NALCN: variants seen among roughly 807,000 people sequenced by gnomAD.
NALCN encodes sodium leak channel, non-selective.
A neutral mutation model predicts 225.3 loss-of-function variants in NALCN; 111 were observed. The ratio of observed to expected loss-of-function variants is 0.49; its 90% CI spans 0.42 to 0.58. The LOEUF (loss-of-function observed/expected upper bound fraction) is 0.58. Ranked by LOEUF, NALCN falls within the 20% of genes least tolerant of loss-of-function variation. The probability of loss-of-function intolerance (pLI) is 0.00; values close to 1 mark genes in which losing one functional copy is unlikely to be tolerated. For synonymous variants in NALCN, 764 were observed against 769.0 expected, an observed-to-expected ratio of 0.99 and a Z score of 0.11; for missense variants, 1,378 against 2,202.4, an observed-to-expected ratio of 0.63 and a Z score of 7.49.
At chr13:101,308,102 A>G (rs1465784902) in intron 7 of NALCN, among the ~76,000 whole-genome samples, 1 of 152,208 alleles carries the variant, frequency 6.6e-6, no homozygotes, top group African/African-American at 2.4e-5. Flanking sequence ...ATTTGTTTTG[A>G]CTTCAATAAA....
At chr13:101,098,043 G>A (rs913451398) in intron 27 of NALCN, among the ~76,000 whole-genome samples, 3 of 152,106 alleles carry the variant, frequency 2.0e-5, no homozygotes, top group African/African-American at 7.2e-5. Flanking sequence ...TGATTTCGAA[G>A]CCCATGCTCC....
intron 2 of NALCN, among the ~76,000 whole-genome samples, chr13:101,396,349 A>C (rs1035989257): frequency 1.3e-5 from 2 of 152,290 alleles, no homozygotes; most frequent in African/African-American, 4.8e-5. Flanking sequence ...ATTCTTAAAC[A>C]TAATCCAAAT....
chr13:101,191,115 T>C (rs2039662205), intron 14 of NALCN, among the ~76,000 whole-genome samples: 1 of 152,124 alleles, frequency 6.6e-6, no homozygotes, highest in Non-Finnish European at 1.5e-5. Flanking sequence ...ATAGTAGCAG[T>C]TGTATTTATT....
At chr13:101,188,631 T>G (rs1177876036) in intron 14 of NALCN, among the ~76,000 whole-genome samples, 1 of 149,060 alleles carries the variant, frequency 6.7e-6, no homozygotes, top group Non-Finnish European at 1.5e-5. Flanking sequence ...TATATACATA[T>G]ATACACATAT....
chr13:101,270,478 A>C (rs2042740527), intron 10 of NALCN, among the ~76,000 whole-genome samples: 1 of 152,236 alleles, frequency 6.6e-6, no homozygotes, highest in African/African-American at 2.4e-5. Flanking sequence ...AATTGAAGCT[A>C]GCTGTCCTTT....
rs148079493 is a variant in NALCN, at chr13:101,334,809, T to C, written c.799+10457A>G. Among the ~76,000 whole-genome samples the C allele has an allele frequency of 3.3e-3, 499 of 151,912 alleles. 2 individuals are homozygous for C. The highest frequency in any genetic ancestry group is 0.011 in the African/African-American group (468 of 41,426). The stretch of plus-strand genomic sequence containing the variant: ...AGGGAAAGACTGAAAACCACTTAAA[T>C]GTCTATCAGTAAGGGAAGAATGAAA... On this transcript the variant is annotated intron_variant, in intron 7 of 43. Transcript: ENST00000251127.
chr13:101,164,304 G>C (rs1459205647), intron 15 of NALCN, among the ~76,000 whole-genome samples: 1 of 151,902 alleles, frequency 6.6e-6, no homozygotes, highest in East Asian at 1.9e-4. Context: ...TTCTTGGGGG[G>C]TTGGGGGGAC....
intron 15 of NALCN, among the ~76,000 whole-genome samples, chr13:101,151,019 A>G (rs902049597): frequency 6.6e-6 from 1 of 152,186 alleles, no homozygotes; most frequent in African/African-American, 2.4e-5. Flanking sequence ...GCTTTGTCAC[A>G]CATTCACATG....
intron 17 of NALCN, among the ~76,000 whole-genome samples, chr13:101,136,967 G>T (rs1320421126): frequency 6.6e-6 from 1 of 152,170 alleles, no homozygotes; most frequent in Non-Finnish European, 1.5e-5. Context: ...AGCACCTGTT[G>T]TTTCCTGACT....
At chr13:101,376,248 G>A (rs967727414) in intron 6 of NALCN, among the ~76,000 whole-genome samples, 2 of 152,220 alleles carry the variant, frequency 1.3e-5, no homozygotes, top group African/African-American at 4.8e-5. Context: ...TCCCCATTTT[G>A]CCACACTAAG....
rs115031472 is a variant in NALCN, at chr13:101,196,322, C to A, written c.1627-4268G>T. On this transcript the variant is annotated intron_variant, in intron 13 of 43. Transcript: ENST00000251127. Reference sequence around the variant, plus strand: ...CACTTATCATTTAGAATAAACCCTTCTTACTATCCTGCAGATGTTCTTTCT... The same window carrying A: ...CACTTATCATTTAGAATAAACCCTTATTACTATCCTGCAGATGTTCTTTCT... 4.2e-3 allele frequency among the ~76,000 whole-genome samples: 642 copies of A among 152,296 alleles called. 7 individuals carry two copies. The highest frequency in any genetic ancestry group is 0.015 in the African/African-American group (609 of 41,560).
intron 28 of NALCN, among the ~76,000 whole-genome samples, chr13:101,091,299 T>C (rs1477904382): frequency 6.6e-6 from 1 of 152,164 alleles, no homozygotes; most frequent in Non-Finnish European, 1.5e-5. Flanking sequence ...GCTAGCTCAT[T>C]TCTCAAAATT....
intron 17 of NALCN, among the ~76,000 whole-genome samples, chr13:101,126,166 T>A (rs966989684): frequency 3.9e-5 from 6 of 152,166 alleles, no homozygotes; most frequent in African/African-American, 1.4e-4. Context: ...TCACAAATGA[T>A]AACCTAGATA....
At chr13:101,136,861 T>A (rs765255024) in intron 17 of NALCN, among the ~76,000 whole-genome samples, 33 of 152,204 alleles carry the variant, frequency 2.2e-4, no homozygotes, top group Non-Finnish European at 4.4e-4. Context: ...TAGTTCTAGA[T>A]CCTTGAGGAA....
At chr13:101,300,222 T>C (rs1414134826) in intron 7 of NALCN, among the ~76,000 whole-genome samples, 1 of 152,180 alleles carries the variant, frequency 6.6e-6, no homozygotes, top group African/African-American at 2.4e-5. Context: ...ACTAAATTAC[T>C]TGGGAGGATG....
intron 17 of NALCN, among the ~76,000 whole-genome samples, chr13:101,133,945 G>A (rs574857764): frequency 2.0e-5 from 3 of 152,220 alleles, no homozygotes; most frequent in Admixed American, 6.5e-5. Flanking sequence ...CGAGGTGGGT[G>A]GATCACGAGG....
chr13:101,359,688 A>G (rs149422913), intron 6 of NALCN, among the ~76,000 whole-genome samples: 1,673 of 152,336 alleles, frequency 0.011, 30 homozygotes, highest in African/African-American at 0.038. Flanking sequence ...TTCTTTGCAT[A>G]TATCTGTCTT....
At chr13:101,144,672 A>G (rs1446196385) in intron 16 of NALCN, 88 bp downstream of exon 16, 2 of 1,383,540 alleles carry the variant, frequency 1.4e-6, no homozygotes, top group Non-Finnish European at 2.0e-6. Context: ...CAACCCACAT[A>G]TACTTAAAAG....
At chr13:101,281,916 T>C (rs557256445) in intron 10 of NALCN, among the ~76,000 whole-genome samples, 3 of 152,124 alleles carry the variant, frequency 2.0e-5, no homozygotes, top group African/African-American at 7.2e-5. Flanking sequence ...GTGCATACGA[T>C]CCCTAATTAT....
Sources: allele counts gnomAD v4.1 joint callset (sites outside exome capture counted in the v4.1 genomes callset), GRCh38; gene constraint gnomAD v4.1.1; transcripts MANE v1.5; gene names NCBI Gene and HGNC (gene_info 2026-07-23, HGNC 2026-07-21).